The following HCN1 variants were observed in gnomAD, a reference collection of about 807,000 sequenced individuals.
HCN1 encodes the protein potassium/sodium hyperpolarization-activated cyclic nucleotide-gated channel 1.
Under a neutral mutation model 78.9 loss-of-function variants are expected in HCN1, and 13 were observed. That is an observed-to-expected ratio of 0.16 (90% CI 0.11 to 0.26). The LOEUF (loss-of-function observed/expected upper bound fraction) is 0.26. Among genes scored for constraint, HCN1 ranks in the 10% least tolerant of loss-of-function variants. The probability of loss-of-function intolerance (pLI) is 1.00; values close to 1 mark genes in which losing one functional copy is unlikely to be tolerated. For missense variants in HCN1, 810 were observed against 1,154.3 expected (o/e 0.70, Z 4.32); for synonymous variants, 552 against 455.5 (o/e 1.21, Z -2.70).
intron 2 of HCN1, among the ~76,000 whole-genome samples, chr5:45,600,932 A>G (rs2111963675): frequency 6.6e-6 from 1 of 152,268 alleles, no homozygotes; most frequent in South Asian, 2.1e-4. Context: ...AACAGTCAGA[A>G]GTTGGGTGGG....
chr5:45,663,151 C>G (rs959550277), intron 1 of HCN1, among the ~76,000 whole-genome samples: 2 of 140,596 alleles, frequency 1.4e-5, no homozygotes, highest in Non-Finnish European at 3.1e-5. Flanking sequence ...GAAATAATGC[C>G]GCATATCTAC....
intron 2 of HCN1, among the ~76,000 whole-genome samples, chr5:45,590,794 C>T (rs1009096053): frequency 1.3e-5 from 2 of 152,170 alleles, no homozygotes; most frequent in Non-Finnish European, 2.9e-5. Context: ...TTCCTCCATA[C>T]ATATTCATGG....
rs761336904 is a variant in HCN1, at chr5:45,262,092, A to G, written c.2502T>C (p.Thr834=). The change falls in exon 8 of 8, where the codon ACT becomes ACC. Residue 834 remains threonine (T), a synonymous_variant. Transcript: ENST00000303230. ...GTGLQAGGRS[T]VPQRVTLFRQ... is the part of the protein sequence containing the mutation. ...GGAAGAGGGTGACGCGCTGCGGGAC[A>G]GTGCTCCTGCCCCCTGCCTGAAGGC... 1 of 1,613,134 alleles carries G rather than the reference A, an allele frequency of 6.2e-7. No individual in the cohort carries two copies. Among genetic ancestry groups the G allele is most frequent in the Non-Finnish European group, 8.5e-7 (1 of 1,179,374 alleles).
intron 2 of HCN1, among the ~76,000 whole-genome samples, chr5:45,467,687 C>A (rs60195886): frequency 1.3e-5 from 2 of 152,080 alleles, no homozygotes; most frequent in African/African-American, 4.8e-5. Flanking sequence ...TCTCTTTCTA[C>A]TTCCCCAAAG....
intron 6 of HCN1, among the ~76,000 whole-genome samples, chr5:45,276,155 A>G (rs912472406): frequency 2.6e-5 from 4 of 152,084 alleles, no homozygotes; most frequent in African/African-American, 9.7e-5. Flanking sequence ...AGGCAAGTCT[A>G]CTACAGCCTA....
intron 2 of HCN1, among the ~76,000 whole-genome samples, chr5:45,539,358 ATAT>A (rs1743041188): frequency 6.6e-6 from 1 of 151,150 alleles, no homozygotes; most frequent in East Asian, 1.9e-4. Flanking sequence ...TAGAAATAAA[ATAT>A]TATTAAATAT....
chr5:45,530,686 G>A (rs1396550496), intron 2 of HCN1, among the ~76,000 whole-genome samples: 3 of 151,958 alleles, frequency 2.0e-5, no homozygotes, highest in African/African-American at 7.2e-5. Flanking sequence ...AAATAACAAA[G>A]TTTAACTTTA....
chr5:45,392,519 T>C (rs1005725133), intron 4 of HCN1, among the ~76,000 whole-genome samples: 3 of 152,084 alleles, frequency 2.0e-5, no homozygotes, highest in African/African-American at 7.2e-5. Flanking sequence ...AACTTTACCT[T>C]CTTTTCCAAA....
intron 2 of HCN1, among the ~76,000 whole-genome samples, chr5:45,497,302 TG>T (rs1742059919): frequency 6.6e-6 from 1 of 152,072 alleles, no homozygotes; most frequent in Non-Finnish European, 1.5e-5. Flanking sequence ...GACAGTGGGG[TG>T]TTAAAGTCTC....
At chr5:45,518,035 A>T (rs1742545250) in intron 2 of HCN1, among the ~76,000 whole-genome samples, 1 of 152,112 alleles carries the variant, frequency 6.6e-6, no homozygotes, top group African/African-American at 2.4e-5. Context: ...AAATTGAAGC[A>T]ATCAATTGTG....
chr5:45,559,789 T>C (rs947183001), intron 2 of HCN1: 2 of 152,182 alleles, frequency 1.3e-5, no homozygotes, highest in Admixed American at 6.6e-5. Flanking sequence ...GAAATTCCAG[T>C]GTGGGTAAAA....
chr5:45,378,598 CTGTT>C (rs1476159213), intron 4 of HCN1, among the ~76,000 whole-genome samples: 11 of 152,072 alleles, frequency 7.2e-5, no homozygotes, highest in East Asian at 1.9e-4. Context: ...TGTTGGGTCA[CTGTT>C]TGTTGTTTTT....
rs926068151 is a variant in HCN1, at chr5:45,471,789, A to G, written c.850-9782T>C. ...TGTATTCCAAGATAAATTTGAAATC[A>G]CTTTGACAGTCCCTCTCCAATTCAT... On this transcript the variant is annotated intron_variant, in intron 2 of 7. Coordinates refer to ENST00000303230, the MANE Select transcript of HCN1 (RefSeq NM_021072.4). Among the ~76,000 whole-genome samples the G allele has an allele frequency of 1.1e-4, 16 of 152,096 alleles. No individual in the cohort carries two copies. In the East Asian group the frequency reaches 3.1e-3, roughly 29 times the overall value.
intron 3 of HCN1, among the ~76,000 whole-genome samples, chr5:45,427,800 G>A (rs894844530): frequency 1.3e-5 from 2 of 152,072 alleles, no homozygotes; most frequent in African/African-American, 4.8e-5. Flanking sequence ...TTTATGTCAT[G>A]TAGCATAAGA....
chr5:45,311,343 G>A (rs1399378083), intron 5 of HCN1, among the ~76,000 whole-genome samples: 2 of 152,046 alleles, frequency 1.3e-5, no homozygotes, highest in Admixed American at 1.3e-4. Context: ...AAGATCTCAA[G>A]TTGCCCACTA....
At chr5:45,657,381 C>G (rs1272455241) in intron 1 of HCN1, among the ~76,000 whole-genome samples, 5 of 152,118 alleles carry the variant, frequency 3.3e-5, no homozygotes, top group Non-Finnish European at 5.9e-5. Flanking sequence ...TTTAGTGGTA[C>G]TTATTAAATC....
intron 2 of HCN1, among the ~76,000 whole-genome samples, chr5:45,522,019 A>C (rs1246333226): frequency 6.6e-6 from 1 of 152,002 alleles, no homozygotes; most frequent in East Asian, 1.9e-4. Flanking sequence ...ATTTTAAAAC[A>C]CTATAAACTA....
At chr5:45,495,538 G>A (rs1441212416) in intron 2 of HCN1, among the ~76,000 whole-genome samples, 7 of 152,050 alleles carry the variant, frequency 4.6e-5, no homozygotes, top group African/African-American at 1.2e-4. Flanking sequence ...CAATCACGTC[G>A]TCTGCAAAGA....
intron 2 of HCN1, among the ~76,000 whole-genome samples, chr5:45,492,391 G>T (rs990099460): frequency 6.3e-4 from 24 of 37,842 alleles, no homozygotes; most frequent in Non-Finnish European, 1.2e-3. Context: ...TTCTTTAAAT[G>T]AATATATATA....
Sources: gnomAD v4.1 joint callset for allele counts (sites outside exome capture counted in the v4.1 genomes callset) on GRCh38, gnomAD v4.1.1 for gene constraint, MANE v1.5 for transcripts, NCBI Gene and HGNC (gene_info 2026-07-23, HGNC 2026-07-21) for gene names.